SDK2: variants seen among roughly 807,000 people sequenced by gnomAD.
SDK2 encodes the protein protein sidekick-2.
In SDK2, 105 loss-of-function variants were observed where a neutral mutation model predicts 253.9. The observed-to-expected ratio is 0.41, with a 90% CI of 0.35 to 0.49. The LOEUF (loss-of-function observed/expected upper bound fraction) is 0.49, where lower values mean the gene tolerates loss of function less well. Among genes scored for constraint, SDK2 ranks in the 20% least tolerant of loss-of-function variants. The pLI, the probability that SDK2 is intolerant of heterozygous loss-of-function variation, is 0.06. For missense variants in SDK2, 2,608 were observed against 3,003.0 expected, an observed-to-expected ratio of 0.87 and a Z score of 3.07; for synonymous variants, 1,249 against 1,234.9, an observed-to-expected ratio of 1.01 and a Z score of -0.24.
chr17:73,488,416 A>C (rs147928459), intron 2 of SDK2, among the ~76,000 whole-genome samples: 4 of 152,328 alleles, frequency 2.6e-5, no homozygotes, highest in African/African-American at 9.6e-5. Flanking sequence ...TTAGAGAACG[A>C]TATGAGCATC....
chr17:73,350,375 C>T lies in SDK2; in HGVS notation c.5900G>A (p.Gly1967Glu). The change falls in exon 43 of 45, where the codon GGG (glycine) becomes GAG (glutamate). Residue 1967 changes from glycine (G) to glutamate (E), a missense_variant and splice_region_variant. By Grantham distance (98) the Gly-to-Glu change is moderately conservative. This residue lies in a region of SDK2 where 1,103 missense variants were observed against 1,143.9 expected (regional missense o/e 0.96). Coordinates refer to ENST00000392650, the MANE Select transcript of SDK2 (RefSeq NM_001144952.2). ...TAGGGCTCCAGACTTGGCACTGTTC[C>T]CTGAAGTCGGCGGGAGATTGACACC... The part of the protein sequence containing the change: ...SKKYAKKTDS[G>E]NSAKSGALGH... 1 of 1,613,042 alleles carries T rather than the reference C, an allele frequency of 6.2e-7. No homozygotes were observed. Among genetic ancestry groups the T allele is most frequent in the East Asian group, 2.2e-5 (1 of 44,864 alleles).
chr17:73,461,798 T>C (rs901897571), intron 3 of SDK2, among the ~76,000 whole-genome samples: 1 of 152,196 alleles, frequency 6.6e-6, no homozygotes. Context: ...TATATATGCT[T>C]ACATGTATGT....
At chr17:73,549,592 T>G (rs2045022532) in intron 1 of SDK2, among the ~76,000 whole-genome samples, 1 of 151,870 alleles carries the variant, frequency 6.6e-6, no homozygotes, top group South Asian at 2.1e-4. Context: ...AGGGAAGGCT[T>G]CCCGGAAGAG....
chr17:73,429,681 A>G (rs1159606731), intron 12 of SDK2, among the ~76,000 whole-genome samples: 1 of 152,210 alleles, frequency 6.6e-6, no homozygotes, highest in Non-Finnish European at 1.5e-5. Context: ...TTGCTCATAA[A>G]ATAGAGAAGC....
At chr17:73,347,132 C>T (rs1371350056) in intron 44 of SDK2, among the ~76,000 whole-genome samples, 3 of 152,116 alleles carry the variant, frequency 2.0e-5, no homozygotes, top group Non-Finnish European at 2.9e-5. Context: ...GAGGCTGAGG[C>T]GGGGGAACAC....
chr17:73,436,137 G>A (rs997945608), intron 8 of SDK2, among the ~76,000 whole-genome samples: 2 of 152,134 alleles, frequency 1.3e-5, no homozygotes, highest in Non-Finnish European at 2.9e-5. Flanking sequence ...TTTCCCAAAC[G>A]AATGGCGCCC....
chr17:73,623,809 G>A (rs1308978906), intron 1 of SDK2, among the ~76,000 whole-genome samples: 1 of 152,192 alleles, frequency 6.6e-6, no homozygotes, highest in Admixed American at 6.5e-5. Context: ...GATCCATACT[G>A]CAGAGGGAAT....
rs949550434 is a variant in SDK2 at position 73,362,759 on chromosome 17, T to C, written c.5306-914A>G. Among the ~76,000 whole-genome samples, 5 of 152,216 alleles carry C rather than the reference T, an allele frequency of 3.3e-5. No individual in the cohort carries two copies. In the East Asian group the frequency reaches 9.6e-4, roughly 29 times the overall value. On this transcript the variant is annotated intron_variant, in intron 38 of 44. Coordinates refer to ENST00000392650, the MANE Select transcript of SDK2 (RefSeq NM_001144952.2). ...AAATCACAGCAACTAGAGGGGACGC[T>C]TGAGCCAGCTTTCAGGAGGTGGGGG...
chr17:73,524,813 C>T (rs2064112505), intron 1 of SDK2, among the ~76,000 whole-genome samples: 1 of 152,262 alleles, frequency 6.6e-6, no homozygotes, highest in African/African-American at 2.4e-5. Flanking sequence ...AGCCCACGCT[C>T]CTTCCACTAC....
At chr17:73,393,883 T>C (rs2062949272) in intron 26 of SDK2, 134 bp from the exon 27 acceptor site, 3 of 670,540 alleles carry the variant, frequency 4.5e-6, no homozygotes, top group Non-Finnish European at 7.0e-6. Context: ...CTGGACCATG[T>C]GGCTAGGCAC....
Position 73,358,181 on chromosome 17 carries a change from G to A in SDK2, c.5491C>T (p.Pro1831Ser). 6.2e-7 allele frequency: 1 copy of A among 1,607,490 alleles called. No homozygotes were observed. The highest frequency in any genetic ancestry group is 8.5e-7 in the Non-Finnish European group (1 of 1,178,118). The change falls in exon 40 of 45, where the codon CCC becomes TCC. Residue 1831 changes from proline (P) to serine (S), a missense_variant. Coordinates refer to ENST00000392650, the MANE Select transcript of SDK2 (RefSeq NM_001144952.2). ...GCAGAGCTGTACCGCACGATGATGG[G>A]CACGCCAGGCGGTCCTGGGGCACCT... is the stretch of plus-strand genomic sequence containing the variant. The part of the protein sequence containing the change: ...GEGAPGPPGV[P>S]IIVRYSSAIA...
Position 73,380,174 on chromosome 17 carries a change from C to T in SDK2, c.4763-625G>A, listed in dbSNP as rs555065686. 2.0e-5 allele frequency among the ~76,000 whole-genome samples: 3 copies of T among 152,240 alleles called. No individual in the cohort carries two copies. In the South Asian group the frequency reaches 6.2e-4, roughly 32 times the overall value. ...TCCACTCTTCTCTCTGGGTTCCCTG[C>T]CCCTGCTTCCTTCCCCTGGGTAGGT... On this transcript the variant is annotated intron_variant, in intron 34 of 44. Transcript: ENST00000392650.
chr17:73,608,341 G>A (rs924443634), intron 1 of SDK2, among the ~76,000 whole-genome samples: 1 of 152,148 alleles, frequency 6.6e-6, no homozygotes, highest in African/African-American at 2.4e-5. Context: ...CATCGTGTCA[G>A]GGTGCCTGCT....
At chr17:73,355,691 GCT>G (rs535303561) in intron 40 of SDK2, among the ~76,000 whole-genome samples, 30 of 151,958 alleles carry the variant, frequency 2.0e-4, no homozygotes, top group Non-Finnish European at 4.1e-4. Flanking sequence ...CCCTTTGCTG[GCT>G]GTGAAATCCC....
intron 1 of SDK2, among the ~76,000 whole-genome samples, chr17:73,607,869 T>G (rs1337565869): frequency 6.6e-6 from 1 of 151,624 alleles, no homozygotes; most frequent in Non-Finnish European, 1.5e-5. Flanking sequence ...TTGGTTGTTG[T>G]TAATATTTTA....
intron 1 of SDK2, among the ~76,000 whole-genome samples, chr17:73,579,235 G>A (rs189254576): frequency 7.9e-4 from 120 of 152,218 alleles, no homozygotes; most frequent in African/African-American, 2.5e-3. Flanking sequence ...TCTCATCACC[G>A]CAGTCACAGA....
intron 16 of SDK2, 128 bp downstream of exon 16, chr17:73,419,038 T>C (rs1032978788): frequency 1.2e-5 from 13 of 1,045,604 alleles, no homozygotes; most frequent in Non-Finnish European, 1.8e-5. Flanking sequence ...AGGCATTTCT[T>C]GTTACCTAGT....
intron 1 of SDK2, among the ~76,000 whole-genome samples, chr17:73,634,759 A>C (rs951907479): frequency 6.6e-6 from 1 of 152,228 alleles, no homozygotes; most frequent in African/African-American, 2.4e-5. Context: ...AAAGATACTA[A>C]GGACAATGAC....
intron 1 of SDK2, among the ~76,000 whole-genome samples, chr17:73,582,893 C>T (rs1422787144): frequency 1.3e-5 from 2 of 152,152 alleles, no homozygotes; most frequent in Non-Finnish European, 2.9e-5. Flanking sequence ...TGCAACGCCC[C>T]TCTCTGTGAG....
Sources: allele counts gnomAD v4.1 joint callset (sites outside exome capture counted in the v4.1 genomes callset), GRCh38; gene constraint gnomAD v4.1.1; regional missense constraint gnomAD v4.1.1; transcripts MANE v1.5; gene names NCBI Gene and HGNC (gene_info 2026-07-23, HGNC 2026-07-21).